The following ASTN1 variants were observed in gnomAD, a reference collection of about 807,000 sequenced individuals.
ASTN1 encodes the protein astrotactin 1, also known as astrotactin-1.
A neutral mutation model predicts 140.7 loss-of-function variants in ASTN1; 41 were observed. The observed-to-expected ratio is 0.29, with a 90% CI of 0.23 to 0.38. The LOEUF (loss-of-function observed/expected upper bound fraction) is 0.38, where lower values mean the gene tolerates loss of function less well. ASTN1 is among the 10% of genes least tolerant of loss of function. The pLI, the probability that ASTN1 is intolerant of heterozygous loss-of-function variation, is 1.00. For missense variants in ASTN1, 1,479 were observed against 1,678.8 expected (o/e 0.88, Z 2.08); for synonymous variants, 640 against 652.2 (o/e 0.98, Z 0.29).
At chr1:177,050,516 C>A (rs1315532149) in intron 2 of ASTN1, among the ~76,000 whole-genome samples, 2 of 152,138 alleles carry the variant, frequency 1.3e-5, no homozygotes, top group African/African-American at 4.8e-5. Context: ...ATAGAGGTAT[C>A]ATCAGGAGAG....
chr1:177,012,643 T>G (rs1442477296), intron 8 of ASTN1, among the ~76,000 whole-genome samples: 1 of 152,216 alleles, frequency 6.6e-6, no homozygotes, highest in African/African-American at 2.4e-5. Flanking sequence ...ACATTTCCCC[T>G]GAGACTCTTG....
At chr1:177,022,646 T>C (rs1297178526) in intron 7 of ASTN1, among the ~76,000 whole-genome samples, 1 of 152,202 alleles carries the variant, frequency 6.6e-6, no homozygotes, top group Non-Finnish European at 1.5e-5. Flanking sequence ...GACCCAGTAC[T>C]CTCTCACTAA....
chr1:177,143,700 AC>A (rs1174873265), intron 1 of ASTN1, among the ~76,000 whole-genome samples: 2 of 152,154 alleles, frequency 1.3e-5, no homozygotes, highest in Non-Finnish European at 2.9e-5. Flanking sequence ...CTTAATCTGA[AC>A]TTTAGAGACA....
chr1:177,024,987 T>C (rs943567001), intron 5 of ASTN1, among the ~76,000 whole-genome samples: 5 of 152,182 alleles, frequency 3.3e-5, no homozygotes, highest in African/African-American at 9.7e-5. Flanking sequence ...ATTTTCACTC[T>C]TCCTGGGCCA....
intron 1 of ASTN1, among the ~76,000 whole-genome samples, chr1:177,141,837 G>C (rs754636862): frequency 6.6e-6 from 1 of 152,154 alleles, no homozygotes; most frequent in South Asian, 2.1e-4. Flanking sequence ...TTTTGGAAAC[G>C]TCACCTTGGA....
chr1:176,891,415 T>C (rs1042895644), intron 17 of ASTN1, among the ~76,000 whole-genome samples: 53 of 152,324 alleles, frequency 3.5e-4, no homozygotes, highest in African/African-American at 1.2e-3. Flanking sequence ...ACTGGGATTC[T>C]GGAGAAGAAA....
At chr1:177,158,069 T>A (rs2102261145) in intron 1 of ASTN1, among the ~76,000 whole-genome samples, 1 of 152,252 alleles carries the variant, frequency 6.6e-6, no homozygotes, top group East Asian at 1.9e-4. Context: ...ATGTAAAAAT[T>A]CCTGTGTAAT....
At chr1:177,076,196 T>G (rs1241247238) in intron 1 of ASTN1, among the ~76,000 whole-genome samples, 2 of 146,720 alleles carry the variant, frequency 1.4e-5, no homozygotes, top group African/African-American at 5.0e-5. Context: ...GGAGAATCAC[T>G]TGAACCTGGG....
intron 2 of ASTN1, among the ~76,000 whole-genome samples, chr1:177,035,433 T>C (rs1676665708): frequency 6.6e-6 from 1 of 152,190 alleles, no homozygotes; most frequent in Non-Finnish European, 1.5e-5. Flanking sequence ...ATTTCAAATA[T>C]TCAAAATGCA....
chr1:176,925,271 TTC>T (rs1183776759), intron 16 of ASTN1, among the ~76,000 whole-genome samples: 1 of 152,126 alleles, frequency 6.6e-6, no homozygotes, highest in Non-Finnish European at 1.5e-5. Context: ...GTGTCGAAGT[TTC>T]TGTATTAGAC....
At chr1:176,893,800 A>G (rs895224496) in intron 17 of ASTN1, among the ~76,000 whole-genome samples, 2 of 152,070 alleles carry the variant, frequency 1.3e-5, no homozygotes, top group African/African-American at 4.8e-5. Context: ...TGCTGTTGCT[A>G]CTGCTTTGTG....
intron 16 of ASTN1, among the ~76,000 whole-genome samples, chr1:176,902,540 G>C (rs1669813762): frequency 6.6e-6 from 1 of 152,194 alleles, no homozygotes; most frequent in Non-Finnish European, 1.5e-5. Flanking sequence ...TGAGGTTTTG[G>C]TGTAGATGCC....
intron 14 of ASTN1, among the ~76,000 whole-genome samples, chr1:176,941,232 T>C (rs1423438833): frequency 6.6e-6 from 1 of 152,212 alleles, no homozygotes; most frequent in Non-Finnish European, 1.5e-5. Flanking sequence ...TTTGGCCAAG[T>C]ATCTCTTTAA....
intron 15 of ASTN1, among the ~76,000 whole-genome samples, chr1:176,935,296 T>C (rs1414893917): frequency 6.6e-6 from 1 of 152,210 alleles, no homozygotes; most frequent in Admixed American, 6.5e-5. Flanking sequence ...CGATATTTGA[T>C]TGTTAACTCC....
chr1:177,053,044 G>A (rs1247781500), intron 2 of ASTN1, among the ~76,000 whole-genome samples: 1 of 152,192 alleles, frequency 6.6e-6, no homozygotes, highest in Non-Finnish European at 1.5e-5. Flanking sequence ...TTGATTGATA[G>A]TATGTATGCA....
chr1:176,889,760 GATTT>G (rs1669186633), intron 17 of ASTN1, among the ~76,000 whole-genome samples: 1 of 152,158 alleles, frequency 6.6e-6, no homozygotes, highest in Non-Finnish European at 1.5e-5. Context: ...TGGTTATCAT[GATTT>G]ACAGTGGAGA....
At chr1:177,144,000 A>C (rs1421683820) in intron 1 of ASTN1, among the ~76,000 whole-genome samples, 2 of 152,168 alleles carry the variant, frequency 1.3e-5, no homozygotes, top group African/African-American at 4.8e-5. Context: ...GGCAACACTG[A>C]CAGTGAACAA....
chr1:176,992,746 A>G (rs1674248491), intron 8 of ASTN1, among the ~76,000 whole-genome samples: 1 of 152,188 alleles, frequency 6.6e-6, no homozygotes, highest in South Asian at 2.1e-4. Flanking sequence ...TCCCTCTCAG[A>G]AAGTGACTCC....
intron 1 of ASTN1, among the ~76,000 whole-genome samples, chr1:177,139,287 C>G (rs367887607): frequency 3.3e-5 from 5 of 152,234 alleles, no homozygotes; most frequent in East Asian, 3.9e-4. Context: ...AGTTAGATAA[C>G]AAAAACTGTG....
Sources: gnomAD v4.1 joint callset for allele counts (sites outside exome capture counted in the v4.1 genomes callset) on GRCh38, gnomAD v4.1.1 for gene constraint, MANE v1.5 for transcripts, NCBI Gene and HGNC (gene_info 2026-07-23, HGNC 2026-07-21) for gene names.